Variants in TSC22D1 observed in about 807,000 individuals in gnomAD.
TSC22D1 encodes TSC22 domain family member 1, also known as TSC22 domain family protein 1.
A neutral mutation model predicts 74.2 loss-of-function variants in TSC22D1; 9 were observed. That is an observed-to-expected ratio of 0.12 (90% CI 0.07 to 0.21). The LOEUF (loss-of-function observed/expected upper bound fraction) is 0.21, where lower values mean the gene tolerates loss of function less well. Ranked by LOEUF, TSC22D1 falls within the 10% of genes least tolerant of loss-of-function variation. The probability of loss-of-function intolerance (pLI) is 1.00; values close to 1 mark genes in which losing one functional copy is unlikely to be tolerated. For synonymous variants in TSC22D1, 586 were observed against 492.5 expected (o/e 1.19, Z -2.51); for missense variants, 1,427 against 1,304.7 (o/e 1.09, Z -1.44).
intron 1 of TSC22D1, among the ~76,000 whole-genome samples, chr13:44,503,402 T>C (rs573089702): frequency 9.9e-5 from 15 of 151,888 alleles, no homozygotes; most frequent in African/African-American, 3.6e-4. Context: ...GATTCTATTT[T>C]GGAATCTACA....
At chr13:44,464,304 T>C (rs1313416678) in intron 1 of TSC22D1, among the ~76,000 whole-genome samples, 1 of 152,206 alleles carries the variant, frequency 6.6e-6, no homozygotes, top group African/African-American at 2.4e-5. Context: ...ACTTTCATTG[T>C]TCCATTTTTT....
intron 1 of TSC22D1, among the ~76,000 whole-genome samples, chr13:44,456,236 G>A (rs772910759): frequency 2.9e-4 from 44 of 152,298 alleles, no homozygotes; most frequent in Non-Finnish European, 3.5e-4. Context: ...CTTCCACGGC[G>A]GAGAAGAAGA....
In TSC22D1 at chr13:44,574,072, G is replaced by A. The variant is rs1883996251; in HGVS notation, c.2003C>T (p.Ser668Phe). Residue 668 changes from serine (S) to phenylalanine (F), a missense_variant, in exon 1 of 3, where the codon TCC (serine) becomes TTC (phenylalanine). Ser to Phe is a radical substitution (Grantham distance 155, BLOSUM62 -2). This residue lies in a region of TSC22D1 where 1,343 missense variants were observed against 1,191.5 expected (regional missense o/e 1.13). Transcript: ENST00000458659. ...QQQPILQTAM[S>F]SGQPSSAGVG... ...TCCTGCAGAACTGGGCTGTCCGGAG[G>A]ACATTGCTGTTTGAAGAATTGGCTG... 3.7e-6 allele frequency: 6 copies of A among 1,614,110 alleles called. No individual in the cohort carries two copies. The highest frequency in any genetic ancestry group is 2.5e-6 in the Non-Finnish European group (3 of 1,180,066).
At position 44,574,635 on chromosome 13, in the gene TSC22D1, A is replaced by G. The variant is rs1295404282; in HGVS notation, c.1440T>C (p.Tyr480=). Residue 480 remains tyrosine, a synonymous_variant, in exon 1 of 3, where the codon TAT becomes TAC. Coordinates refer to ENST00000458659, the MANE Select transcript of TSC22D1 (RefSeq NM_183422.4). The stretch of plus-strand genomic sequence containing the variant: ...TCTCTCCACTTCCCACACTCTCTGT[A>G]TAGTGACTCAGTGTGCTGACACTAC... ...VSSSVSTLSH[Y]TESVGSGEMG... is the part of the protein sequence containing the mutation. The G allele has an allele frequency of 1.2e-6, 2 of 1,614,004 alleles. No homozygotes were observed. The highest frequency in any genetic ancestry group is 2.7e-5 in the African/African-American group (2 of 74,922).
At chr13:44,452,149 C>T (rs1265849039) in intron 1 of TSC22D1, among the ~76,000 whole-genome samples, 3 of 152,142 alleles carry the variant, frequency 2.0e-5, no homozygotes, top group African/African-American at 7.2e-5. Context: ...CAGAACTAAG[C>T]CTTAAGAACC....
At chr13:44,503,249 G>A (rs1392166875) in intron 1 of TSC22D1, among the ~76,000 whole-genome samples, 2 of 151,896 alleles carry the variant, frequency 1.3e-5, no homozygotes, top group Non-Finnish European at 2.9e-5. Context: ...CTAATATAAA[G>A]GCTGCTATTT....
At chr13:44,526,584 G>C (rs1834366321) in intron 1 of TSC22D1, among the ~76,000 whole-genome samples, 1 of 151,954 alleles carries the variant, frequency 6.6e-6, no homozygotes, top group South Asian at 2.1e-4. Flanking sequence ...GAAGGAAACA[G>C]AATACAGATG....
intron 1 of TSC22D1, among the ~76,000 whole-genome samples, chr13:44,565,951 T>G (rs142393456): frequency 1.4e-3 from 207 of 152,340 alleles, no homozygotes; most frequent in African/African-American, 4.2e-3. Flanking sequence ...TTCCTAAAAT[T>G]TCCACATAAG....
At chr13:44,566,354 T>A (rs776249274) in intron 1 of TSC22D1, among the ~76,000 whole-genome samples, 7 of 152,130 alleles carry the variant, frequency 4.6e-5, no homozygotes, top group Non-Finnish European at 1.0e-4. Context: ...TATTCACCAA[T>A]AAAATAGAAA....
At chr13:44,515,624 G>C (rs1879944408) in intron 1 of TSC22D1, among the ~76,000 whole-genome samples, 1 of 152,092 alleles carries the variant, frequency 6.6e-6, no homozygotes, top group South Asian at 2.1e-4. Context: ...TTTTAATAGA[G>C]ACAGGGTTTT....
chr13:44,449,965 A>G (rs1310513377), intron 1 of TSC22D1, among the ~76,000 whole-genome samples: 1 of 152,176 alleles, frequency 6.6e-6, no homozygotes, highest in East Asian at 1.9e-4. Context: ...AGTAAGACAC[A>G]ATCCTTGCTT....
In TSC22D1 at chr13:44,573,324, C is replaced by G; in HGVS notation, c.2751G>C (p.Ala917=). The G allele has an allele frequency of 6.2e-7, 1 of 1,614,226 alleles. No individual in the cohort carries two copies. Among genetic ancestry groups the G allele is most frequent in the Non-Finnish European group, 8.5e-7 (1 of 1,180,048 alleles). Residue 917 remains alanine, a synonymous_variant, in exon 1 of 3, where the codon GCG becomes GCC. Coordinates refer to ENST00000458659, the MANE Select transcript of TSC22D1 (RefSeq NM_183422.4). The part of the protein sequence containing the change: ...GSQIEDARRA[A]EPSLVGLPQT... ...GAGGTAAGCCAACTAAGGAGGGCTC[C>G]GCTGCACGCCTGGCATCTTCAATTT...
chr13:44,531,728 C>G (rs1230167663), intron 1 of TSC22D1, among the ~76,000 whole-genome samples: 1 of 152,178 alleles, frequency 6.6e-6, no homozygotes, highest in African/African-American at 2.4e-5. Flanking sequence ...TCCAGGAGTT[C>G]AAGATTTGGG....
intron 1 of TSC22D1, among the ~76,000 whole-genome samples, chr13:44,563,048 GA>G (rs2138205107): frequency 6.6e-6 from 1 of 151,324 alleles, no homozygotes; most frequent in Admixed American, 6.6e-5. Context: ...AGGTTGCAAT[GA>G]GCCAAGATTG....
chr13:44,457,637 C>CAAAAAAAAAAA (rs10692086), intron 1 of TSC22D1, among the ~76,000 whole-genome samples: 9 of 85,408 alleles, frequency 1.1e-4, no homozygotes, highest in Non-Finnish European at 1.8e-4. Context: ...AAGCAAATAG[C>CAAAAAAAAAAA]AAAAAAAAAA....
At chr13:44,483,499 C>T (rs983392827) in intron 1 of TSC22D1, among the ~76,000 whole-genome samples, 7 of 151,764 alleles carry the variant, frequency 4.6e-5, no homozygotes, top group African/African-American at 1.7e-4. Flanking sequence ...GTCTCTACTA[C>T]AAATACAAAA....
Position 44,439,702 on chromosome 13 carries a change from G to A in TSC22D1, c.2913-3607C>T, listed in dbSNP as rs529779334. On this transcript the variant is annotated intron_variant, in intron 1 of 2. Coordinates refer to ENST00000458659, the MANE Select transcript of TSC22D1 (RefSeq NM_183422.4). ...GAACTCATACACATTAAACAGCCTG[G>A]ACAATTGAGATTGAGGTATTTTCTA... Among the ~76,000 whole-genome samples, 25 of 152,314 alleles carry A rather than the reference G, an allele frequency of 1.6e-4. 1 individual carries two copies. In the East Asian group the frequency reaches 4.0e-3, roughly 25 times the overall value.
chr13:44,548,772 G>C (rs1262203813), intron 1 of TSC22D1, among the ~76,000 whole-genome samples: 1 of 152,076 alleles, frequency 6.6e-6, no homozygotes. Context: ...CACCTTTTAA[G>C]TATCTTCAAA....
chr13:44,552,367 T>C (rs1231098069), intron 1 of TSC22D1, among the ~76,000 whole-genome samples: 2 of 152,164 alleles, frequency 1.3e-5, no homozygotes. Flanking sequence ...ACAGAGAACA[T>C]AAAGCTAGTA....
Sources: allele counts gnomAD v4.1 joint callset (sites outside exome capture counted in the v4.1 genomes callset), GRCh38; gene constraint gnomAD v4.1.1; regional missense constraint gnomAD v4.1.1; transcripts MANE v1.5; gene names NCBI Gene and HGNC (gene_info 2026-07-23, HGNC 2026-07-21).